Variants in RARB observed in about 807,000 individuals in gnomAD.
RARB encodes the protein retinoic acid receptor beta.
A neutral mutation model predicts 51.9 loss-of-function variants in RARB; 17 were observed. That is an observed-to-expected ratio of 0.33 (90% CI 0.22 to 0.49). The LOEUF (loss-of-function observed/expected upper bound fraction) is 0.49, where lower values mean the gene tolerates loss of function less well. RARB is among the 20% of genes least tolerant of loss of function. The pLI is 0.99. For synonymous variants in RARB, 215 were observed against 195.4 expected (o/e 1.10, Z -0.84); for missense variants, 369 against 550.8 (o/e 0.67, Z 3.30).
intron 5 of RARB, among the ~76,000 whole-genome samples, chr3:25,326,256 G>A (rs1704713814): frequency 6.6e-6 from 1 of 152,206 alleles, no homozygotes; most frequent in Non-Finnish European, 1.5e-5. Context: ...AAAAGTGGGA[G>A]GGAGGCTGTC....
intron 3 of RARB, among the ~76,000 whole-genome samples, chr3:25,066,627 A>G (rs1698668442): frequency 6.6e-6 from 1 of 151,158 alleles, no homozygotes; most frequent in African/African-American, 2.5e-5. Context: ...ACACACACAC[A>G]CACACCTTTC....
intron 2 of RARB, among the ~76,000 whole-genome samples, chr3:24,993,300 C>T (rs1482520578): frequency 6.6e-6 from 1 of 152,054 alleles, no homozygotes; most frequent in East Asian, 1.9e-4. Context: ...ATGCCAGAAG[C>T]ATAGTTTTAA....
At chr3:25,354,731 A>G (rs185888305) in intron 5 of RARB, among the ~76,000 whole-genome samples, 2 of 152,242 alleles carry the variant, frequency 1.3e-5, no homozygotes, top group East Asian at 1.9e-4. Flanking sequence ...GATGTATTGG[A>G]GACAGGGTTA....
chr3:25,122,707 G>C lies in RARB; in HGVS notation c.-327-9454G>C, dbSNP rs369419407. ...GTCACGGCAAGTAAGGCTGGAAAAT[G>C]TAATGTGGCTAGCCAACCAGGGACC... On this transcript the variant is annotated intron_variant, in intron 3 of 11. Coordinates refer to the RARB transcript ENST00000383772. Among the ~76,000 whole-genome samples, 120 of 152,286 alleles carry C rather than the reference G, an allele frequency of 7.9e-4. 1 individual carries two copies. The highest frequency in any genetic ancestry group is 2.6e-3 in the African/African-American group (109 of 41,560).
chr3:25,550,283 A>G (rs1055229896), intron 3 of RARB, among the ~76,000 whole-genome samples: 2 of 152,180 alleles, frequency 1.3e-5, no homozygotes, highest in African/African-American at 4.8e-5. Flanking sequence ...GTGTGTCTGC[A>G]TCGGCCTGCC....
intron 1 of RARB, among the ~76,000 whole-genome samples, chr3:24,846,266 C>A (rs1435582726): frequency 6.6e-6 from 1 of 152,134 alleles, no homozygotes; most frequent in Admixed American, 6.5e-5. Context: ...ATCATAGTAG[C>A]TACCTCCTGG....
chr3:25,338,095 CAA>C (rs1491497960), intron 5 of RARB, among the ~76,000 whole-genome samples: 1 of 93,514 alleles, frequency 1.1e-5, no homozygotes, highest in South Asian at 4.5e-4. Context: ...TCCAAACCCC[CAA>C]CACACACACA....
intron 3 of RARB, among the ~76,000 whole-genome samples, chr3:25,540,474 CT>C (rs560427063): frequency 2.5e-3 from 387 of 152,302 alleles, no homozygotes; most frequent in African/African-American, 7.8e-3. Flanking sequence ...TGGATAGACA[CT>C]TTGTTATTTT....
chr3:25,200,588 G>C (rs933844071), intron 5 of RARB, among the ~76,000 whole-genome samples: 1 of 152,152 alleles, frequency 6.6e-6, no homozygotes, highest in African/African-American at 2.4e-5. Context: ...TAACATGTAA[G>C]TCTTTAATCC....
intron 2 of RARB, among the ~76,000 whole-genome samples, chr3:25,470,801 A>G (rs899132805): frequency 5.3e-5 from 8 of 152,064 alleles, no homozygotes; most frequent in Admixed American, 1.3e-4. Context: ...ACTTAACACA[A>G]TTGAAATTAA....
At chr3:25,479,438 A>T (rs748345355) in intron 2 of RARB, among the ~76,000 whole-genome samples, 1 of 152,162 alleles carries the variant, frequency 6.6e-6, no homozygotes, top group South Asian at 2.1e-4. Flanking sequence ...TTTACATTTC[A>T]AATTAGATTA....
At chr3:25,337,179 A>C (rs934561546) in intron 5 of RARB, among the ~76,000 whole-genome samples, 2 of 152,272 alleles carry the variant, frequency 1.3e-5, no homozygotes, top group Middle Eastern at 6.8e-3. Context: ...GGATATGTCA[A>C]CCACTATTAC....
chr3:24,888,315 A>T (rs1703302702), intron 2 of RARB, among the ~76,000 whole-genome samples: 3 of 152,212 alleles, frequency 2.0e-5, no homozygotes, highest in Admixed American at 2.0e-4. Flanking sequence ...TTAAAACCTC[A>T]TAACCCTATG....
intron 5 of RARB, among the ~76,000 whole-genome samples, chr3:25,251,758 A>C (rs1702726830): frequency 6.6e-6 from 1 of 151,980 alleles, no homozygotes; most frequent in Admixed American, 6.6e-5. Flanking sequence ...ATCTTGAATG[A>C]AGACCTTTTA....
At chr3:25,439,983 G>C (rs1002598135) in intron 1 of RARB, among the ~76,000 whole-genome samples, 1 of 152,162 alleles carries the variant, frequency 6.6e-6, no homozygotes, top group African/African-American at 2.4e-5. Flanking sequence ...TGTACCTGCT[G>C]TGGAAGCTTG....
intron 2 of RARB, among the ~76,000 whole-genome samples, chr3:24,921,343 C>T (rs1400260326): frequency 6.6e-6 from 1 of 152,172 alleles, no homozygotes; most frequent in Non-Finnish European, 1.5e-5. Flanking sequence ...CACTCCGCTC[C>T]TTAAAGCTGG....
intron 5 of RARB, among the ~76,000 whole-genome samples, chr3:25,420,274 C>T (rs1707823446): frequency 6.6e-6 from 1 of 152,174 alleles, no homozygotes; most frequent in Non-Finnish European, 1.5e-5. Context: ...ATTCCATTCC[C>T]TCTCCAACTG....
chr3:25,160,212 G>A (rs1356039576), intron 4 of RARB, among the ~76,000 whole-genome samples: 2 of 152,188 alleles, frequency 1.3e-5, no homozygotes, highest in Non-Finnish European at 2.9e-5. Context: ...CTCTAAGGCT[G>A]CAGATAAATA....
intron 2 of RARB, among the ~76,000 whole-genome samples, chr3:25,007,754 G>T (rs560718878): frequency 1.3e-5 from 2 of 151,760 alleles, no homozygotes; most frequent in South Asian, 4.2e-4. Flanking sequence ...CTTGATTTTG[G>T]GCTCAATGAT....
Sources: gnomAD v4.1 joint callset for allele counts (sites outside exome capture counted in the v4.1 genomes callset) on GRCh38, gnomAD v4.1.1 for gene constraint, MANE v1.5 for transcripts, NCBI Gene and HGNC (gene_info 2026-07-23, HGNC 2026-07-21) for gene names.